UGT1A6: variants seen among roughly 807,000 people sequenced by gnomAD.
UGT1A6 encodes the protein UDP glucuronosyltransferase family 1 member A6, also known as UDP-glucuronosyltransferase 1A6.
Under a neutral mutation model 44.4 loss-of-function variants are expected in UGT1A6, and 32 were observed. That is an observed-to-expected ratio of 0.72 (90% CI 0.54 to 0.97). The LOEUF (loss-of-function observed/expected upper bound fraction) is 0.97. UGT1A6 is among the 50% of genes least tolerant of loss of function. The probability of loss-of-function intolerance (pLI) is 0.00; values close to 1 mark genes in which losing one functional copy is unlikely to be tolerated. For missense variants in UGT1A6, 685 were observed against 661.9 expected, an observed-to-expected ratio of 1.03 and a Z score of -0.38; for synonymous variants, 238 against 248.5, an observed-to-expected ratio of 0.96 and a Z score of 0.40.
At chr2:233,765,155 C>T (rs1463454696) in intron 1 of UGT1A6, among the ~76,000 whole-genome samples, 1 of 152,176 alleles carries the variant, frequency 6.6e-6, no homozygotes, top group East Asian at 1.9e-4. Flanking sequence ...TCCTAGGGAA[C>T]CCCTCAGTTT....
chr2:233,755,063 G>C (rs776771090), intron 1 of UGT1A6: 3 of 1,334,898 alleles, frequency 2.2e-6, no homozygotes, highest in Non-Finnish European at 3.0e-6. Context: ...CCCTCGCCTC[G>C]CCATAGCGGT....
chr2:233,755,220 T>A, intron 1 of UGT1A6: 1 of 1,009,650 alleles, frequency 9.9e-7, no homozygotes, highest in South Asian at 1.3e-5. Context: ...CTTGATACCC[T>A]CGGACGAGGC....
chr2:233,695,130 CTTT>C (rs71398796), intron 1 of UGT1A6, among the ~76,000 whole-genome samples: 3 of 138,822 alleles, frequency 2.2e-5, no homozygotes, highest in Non-Finnish European at 3.1e-5. Context: ...CTTTTCTTTT[CTTT>C]TTTTTTTTTT....
chr2:233,734,899 T>C (rs182449879), intron 1 of UGT1A6, among the ~76,000 whole-genome samples: 2 of 152,328 alleles, frequency 1.3e-5, no homozygotes, highest in East Asian at 3.9e-4. Flanking sequence ...TGATTTCTAT[T>C]CTTTTACATT....
chr2:233,722,106 A>G, intron 1 of UGT1A6: 1 of 195,622 alleles, frequency 5.1e-6, no homozygotes, highest in South Asian at 1.0e-4. Flanking sequence ...TCTTAGAGGA[A>G]GAGCTATCAT....
chr2:233,718,939 C>T (rs149017068), intron 1 of UGT1A6: 3 of 1,614,142 alleles, frequency 1.9e-6, no homozygotes, highest in East Asian at 2.2e-5. Context: ...GATGGCAGCC[C>T]CTGGCTCAGC....
chr2:233,738,398 A>G (rs1690780293), intron 1 of UGT1A6, among the ~76,000 whole-genome samples: 1 of 152,236 alleles, frequency 6.6e-6, no homozygotes, highest in African/African-American at 2.4e-5. Context: ...AGTGACTTGG[A>G]ACTGGGTAAC....
Position 233,693,432 on chromosome 2 carries a change from A to G in UGT1A6, c.428A>G (p.Lys143Arg). The G allele has an allele frequency of 1.2e-6, 2 of 1,614,148 alleles. No homozygotes were observed. Among genetic ancestry groups the G allele is most frequent in the Non-Finnish European group, 1.7e-6 (2 of 1,180,030 alleles). ...RDTLNFFKES[K>R]FDALFTDPAL... is the part of the protein sequence containing the mutation. ...ACCCTGAACTTCTTTAAGGAGAGCA[A>G]GTTTGATGCTCTTTTCACAGACCCA... Residue 143 changes from lysine to arginine, a missense_variant, in exon 1 of 5, where the codon AAG becomes AGG. By Grantham distance (26) the Lys-to-Arg change is conservative. Transcript: ENST00000305139.
intron 1 of UGT1A6, among the ~76,000 whole-genome samples, chr2:233,709,895 C>A (rs942785587): frequency 5.3e-5 from 8 of 152,240 alleles, no homozygotes; most frequent in African/African-American, 1.7e-4. Flanking sequence ...TCTGTCCTAT[C>A]TCAGTCACCT....
chr2:233,767,698 C>T (rs1699451194), intron 2 of UGT1A6, 151 bp from the exon 3 acceptor site: 8 of 1,500,274 alleles, frequency 5.3e-6, no homozygotes, highest in Non-Finnish European at 6.2e-6. Flanking sequence ...CGGAAGTTGC[C>T]AGTCCTCAGA....
At chr2:233,761,017 G>A (rs1188733606) in intron 1 of UGT1A6, 1 of 1,614,178 alleles carries the variant, frequency 6.2e-7, no homozygotes, top group Non-Finnish European at 8.5e-7. Flanking sequence ...AGAGGTGACT[G>A]TCCAGGACCT....
At chr2:233,693,999 C>T (rs998563959) in intron 1 of UGT1A6, 134 bp downstream of exon 1, 32 of 1,494,952 alleles carry the variant, frequency 2.1e-5, no homozygotes, top group Non-Finnish European at 2.5e-5. Flanking sequence ...ATACCCGGCT[C>T]GGAGCAGCGG....
At position 233,764,542 on chromosome 2, in the gene UGT1A6, C is replaced by T. The variant is rs34078324; in HGVS notation, c.862-2492C>T. ...CACATCCTGCTGATTGCTGAGTGGGCGTGTGGGAGGGTGTGCCTGGAGGAG... is the reference window on the plus strand; with the variant it reads ...CACATCCTGCTGATTGCTGAGTGGGTGTGTGGGAGGGTGTGCCTGGAGGAG... On this transcript the variant is annotated intron_variant, in intron 1 of 4. Transcript: ENST00000305139. Among the ~76,000 whole-genome samples, 1,361 of 152,150 alleles carry T rather than the reference C, an allele frequency of 8.9e-3. 20 individuals carry two copies. The highest frequency in any genetic ancestry group is 0.032 in the African/African-American group (1,309 of 41,498).
chr2:233,761,042 C>A, intron 1 of UGT1A6: 1 of 1,614,180 alleles, frequency 6.2e-7, no homozygotes, highest in Non-Finnish European at 8.5e-7. Context: ...AGCTCTGCAT[C>A]TGTCTGGCTG....
chr2:233,737,006 T>G (rs924545231), intron 1 of UGT1A6, among the ~76,000 whole-genome samples: 1 of 152,144 alleles, frequency 6.6e-6, no homozygotes, highest in African/African-American at 2.4e-5. Flanking sequence ...GGGACCCGCT[T>G]GAGGAGGCAG....
intron 1 of UGT1A6, chr2:233,713,148 G>T: frequency 6.2e-7 from 1 of 1,614,254 alleles, no homozygotes; most frequent in Non-Finnish European, 8.5e-7. Context: ...GGACCTCCAT[G>T]CGAGAGGCCA....
chr2:233,719,557 T>G, intron 1 of UGT1A6: 5 of 1,613,868 alleles, frequency 3.1e-6, no homozygotes, highest in Non-Finnish European at 4.2e-6. Flanking sequence ...GTGTCAGTGG[T>G]GGATCTTGTC....
rs536054033 is a variant in UGT1A6, at chr2:233,697,515, T to TA, written c.861+3656dup. Among the ~76,000 whole-genome samples, 41 of 150,144 alleles carry TA rather than the reference T, an allele frequency of 2.7e-4. No homozygotes were observed. In the Middle Eastern group the frequency reaches 0.01, roughly 37 times the overall value. ...AATTTTGTTTATCTTTTTTTTTTTTTAAAAAACTTTTTGTTTCATTGGTCT... is the reference window on the plus strand; with the variant it reads ...AATTTTGTTTATCTTTTTTTTTTTTTAAAAAAACTTTTTGTTTCATTGGTCT... On this transcript the variant is annotated intron_variant, in intron 1 of 4. Transcript: ENST00000305139.
chr2:233,772,910 T>G lies in UGT1A6; in HGVS notation c.*351T>G, dbSNP rs1169260027. 5.1e-6 allele frequency: 2 copies of G among 393,790 alleles called. No individual in the cohort carries two copies. Among genetic ancestry groups the G allele is most frequent in the Non-Finnish European group, 8.9e-6 (2 of 225,424 alleles). The allele number at this position is 393,790 out of a possible 1,614,324, so 24.4% of individuals were successfully genotyped here. A position where few individuals can be genotyped will look rare whatever the true frequency, so the allele number is the denominator to read the frequency against. On this transcript the variant is annotated 3_prime_UTR_variant, in exon 5 of 5. Transcript: ENST00000305139. ...AAGGTGGTCCCACGGCTGCCCCTAC[T>G]GCAAATGGCAGTTTTAATCTTATCT...
Sources: gnomAD v4.1 joint callset for allele counts (sites outside exome capture counted in the v4.1 genomes callset) on GRCh38, gnomAD v4.1.1 for gene constraint, MANE v1.5 for transcripts, NCBI Gene and HGNC (gene_info 2026-07-23, HGNC 2026-07-21) for gene names.